The following SMC1B variants were observed in gnomAD, a reference collection of about 807,000 sequenced individuals.
The protein encoded by SMC1B is structural maintenance of chromosomes 1B, also known as structural maintenance of chromosomes protein 1B.
Under a neutral mutation model 157.9 loss-of-function variants are expected in SMC1B, and 60 were observed. That is an observed-to-expected ratio of 0.38 (90% CI 0.31 to 0.47). The LOEUF (loss-of-function observed/expected upper bound fraction) is 0.47, where lower values mean the gene tolerates loss of function less well. SMC1B is among the 20% of genes least tolerant of loss of function. The probability of loss-of-function intolerance (pLI) is 0.99; values close to 1 mark genes in which losing one functional copy is unlikely to be tolerated. For missense variants in SMC1B, 1,165 were observed against 1,426.2 expected (o/e 0.82, Z 2.95); for synonymous variants, 445 against 483.0 (o/e 0.92, Z 1.03).
chr22:45,388,420 G>T (rs997528684), intron 10 of SMC1B, among the ~76,000 whole-genome samples: 2 of 151,994 alleles, frequency 1.3e-5, no homozygotes, highest in Non-Finnish European at 2.9e-5. Flanking sequence ...GTTTGTCTTG[G>T]AAAAAACCTC....
chr22:45,394,096 G>C (rs1286728431), intron 8 of SMC1B, among the ~76,000 whole-genome samples: 1 of 152,020 alleles, frequency 6.6e-6, no homozygotes, highest in Non-Finnish European at 1.5e-5. Flanking sequence ...TTGAGTGGGT[G>C]GCTGGCTTGA....
Position 45,359,861 on chromosome 22 carries a change from G to C in SMC1B, c.2806C>G (p.Gln936Glu). ...GACAAAAGGATTATCTCAATGTCTT[G>C]CACTTTGCAATCAAGCAGCAAGTTA... Reference protein sequence around the residue: ...KHNLLLDCKVQDIEIILLSGS... With the variant: ...KHNLLLDCKVEDIEIILLSGS... Residue 936 changes from glutamine (Q) to glutamate (E), a missense_variant, in exon 18 of 25, where the codon CAA becomes GAA. Transcript: ENST00000357450. 2 of 1,614,062 alleles carry C rather than the reference G, an allele frequency of 1.2e-6. No homozygotes were observed. Among genetic ancestry groups the C allele is most frequent in the Non-Finnish European group, 1.7e-6 (2 of 1,179,964 alleles).
chr22:45,405,996 T>C (rs917048661), intron 4 of SMC1B, among the ~76,000 whole-genome samples: 11 of 152,226 alleles, frequency 7.2e-5, no homozygotes, highest in Admixed American at 7.2e-4. Context: ...TTATCTTTCA[T>C]AAAAATGCTA....
At chr22:45,354,538 G>A (rs996093937) in intron 20 of SMC1B, among the ~76,000 whole-genome samples, 9 of 152,100 alleles carry the variant, frequency 5.9e-5, no homozygotes, top group East Asian at 3.9e-4. Flanking sequence ...CTACAGGTGT[G>A]TGCCACCACA....
chr22:45,385,071 G>C (rs136587), intron 11 of SMC1B, among the ~76,000 whole-genome samples: 94,482 of 151,908 alleles, frequency 0.62, 31,863 homozygotes, highest in African/African-American at 0.89. Context: ...CAGTCTATAG[G>C]AGAAGAAAAT....
chr22:45,394,592 C>T (rs1258550163), intron 8 of SMC1B, 93 bp downstream of exon 8: 14 of 1,299,824 alleles, frequency 1.1e-5, no homozygotes, highest in African/African-American at 3.1e-5. Flanking sequence ...GCCATGACTG[C>T]GCCACTGCAC....
rs900696385 is a variant in SMC1B, at chr22:45,396,466, A to G, written c.1134T>C (p.Leu378=). 5 of 1,612,764 alleles carry G rather than the reference A, an allele frequency of 3.1e-6. No homozygotes were observed. Among genetic ancestry groups the G allele is most frequent in the Non-Finnish European group, 4.2e-6 (5 of 1,179,562 alleles). Reference sequence around the variant, plus strand: ...CTACTTTCTTTCTTACTTGTTCCTTAAGTTCTTTATAACGATCCAGCTGCA... The same window carrying G: ...CTACTTTCTTTCTTACTTGTTCCTTGAGTTCTTTATAACGATCCAGCTGCA... ...EASQLDRYKE[L]KEQVRKKVAT... Residue 378 remains leucine (L), a synonymous_variant, in exon 7 of 25, where the codon CTT becomes CTC. Transcript: ENST00000357450.
At chr22:45,396,130 C>G (rs2087120936) in intron 7 of SMC1B, among the ~76,000 whole-genome samples, 1 of 152,100 alleles carries the variant, frequency 6.6e-6, no homozygotes, top group Non-Finnish European at 1.5e-5. Flanking sequence ...ATGTTACCAC[C>G]TTTGTTTTTC....
chr22:45,349,643 A>AT lies in SMC1B; in HGVS notation c.3495+84dup, dbSNP rs1390046580. On this transcript the variant is annotated intron_variant, in intron 23 of 24. Transcript: ENST00000357450. ...GCCACCGTGCCTAGACCAAGGACTG[A>AT]TTTTTAATGAGCATTTTCCATTGCT... 6 of 1,308,592 alleles carry AT rather than the reference A, an allele frequency of 4.6e-6. No homozygotes were observed. In the African/African-American group the frequency reaches 8.8e-5, roughly 19 times the overall value. The allele number at this position is 1,308,592 out of a possible 1,614,324, so 81.1% of individuals were successfully genotyped here.
At chr22:45,369,053 A>G (rs2086803454) in intron 15 of SMC1B, among the ~76,000 whole-genome samples, 1 of 151,618 alleles carries the variant, frequency 6.6e-6, no homozygotes, top group Non-Finnish European at 1.5e-5. Flanking sequence ...ACCACTTACT[A>G]TCTACATATA....
In SMC1B at chr22:45,373,831, C is replaced by T. The variant is rs549625235; in HGVS notation, c.2059-1539G>A. 2.4e-3 allele frequency among the ~76,000 whole-genome samples: 367 copies of T among 152,014 alleles called. 4 individuals are homozygous for T. The highest frequency in any genetic ancestry group is 1.8e-3 in the Non-Finnish European group (125 of 67,992). On this transcript the variant is annotated intron_variant, in intron 12 of 24. Transcript: ENST00000357450. ...TAGGTAAATGATTAAAATAATTAGG[C>T]AAATGTGATGGGATAAATACTTGTA...
At chr22:45,397,283 G>A (rs1401221023) in intron 6 of SMC1B, among the ~76,000 whole-genome samples, 2 of 152,134 alleles carry the variant, frequency 1.3e-5, no homozygotes, top group African/African-American at 2.4e-5. Flanking sequence ...TTGGGAAGCC[G>A]AGGCAAGAGG....
In SMC1B at chr22:45,387,174, C is replaced by A. The variant is rs1343842447; in HGVS notation, c.1732-128G>T. On this transcript the variant is annotated intron_variant, in intron 10 of 24. Coordinates refer to ENST00000357450, the MANE Select transcript of SMC1B (RefSeq NM_148674.5). ...GATCAACAGTATGTACCCAGCCAGG[C>A]GTGATGCTCACGCCTGTAATCCCAG... is the stretch of plus-strand genomic sequence containing the variant. 8 of 796,166 alleles carry A rather than the reference C, an allele frequency of 1.0e-5. No individual in the cohort carries two copies. The East Asian group carries it at 1.8e-4, about 18-fold the overall frequency. The allele number at this position is 796,166 out of a possible 1,614,324, so 49.3% of individuals were successfully genotyped here.
chr22:45,372,542 G>C (rs1288879302), intron 12 of SMC1B, among the ~76,000 whole-genome samples: 1 of 151,986 alleles, frequency 6.6e-6, no homozygotes, highest in African/African-American at 2.4e-5. Flanking sequence ...AATGAAGAGG[G>C]GTGTGTATAT....
rs374558623 is a variant in SMC1B at position 45,352,525 on chromosome 22, C to T, written c.3351G>A (p.Arg1117=). Residue 1117 remains arginine, a synonymous_variant, in exon 22 of 25, where the codon CGG becomes CGA. Coordinates refer to ENST00000357450, the MANE Select transcript of SMC1B (RefSeq NM_148674.5). ...CTGACAAATTGTCCATTGGCATAAA[C>T]CGTTTGCCTGGGGCCACACAGTTAT... ...ISYNCVAPGK[R]FMPMDNLSGG... is the part of the protein sequence containing the mutation. 3 of 1,614,024 alleles carry T rather than the reference C, an allele frequency of 1.9e-6. No individual in the cohort carries two copies. The highest frequency in any genetic ancestry group is 2.5e-6 in the Non-Finnish European group (3 of 1,180,014).
Position 45,393,631 on chromosome 22 carries a change from TACC to T in SMC1B, c.1545_1545+2del. On this transcript the variant is annotated splice_donor_variant and coding_sequence_variant, in exon 9 of 25. Coordinates refer to ENST00000357450, the MANE Select transcript of SMC1B (RefSeq NM_148674.5). LOFTEE classifies it high-confidence loss of function. The stretch of plus-strand genomic sequence containing the variant: ...GTTTAAATTAACTATTCATTCTCAT[TACC>T]ACAGAATCTGGGTACAGTCTTTTAA... 1.9e-6 allele frequency: 3 copies of T among 1,602,578 alleles called. No individual in the cohort carries two copies. The highest frequency in any genetic ancestry group is 2.6e-6 in the Non-Finnish European group (3 of 1,176,136).
In SMC1B at chr22:45,399,267, A is replaced by G. The variant is rs1488058297; in HGVS notation, c.941T>C (p.Val314Ala). 2 of 1,613,920 alleles carry G rather than the reference A, an allele frequency of 1.2e-6. No individual in the cohort carries two copies. The highest frequency in any genetic ancestry group is 3.3e-5 in the Admixed American group (2 of 59,998). ...NTSHHLKKLDVAKKSIKDSEK... is the reference protein window; with the variant it reads ...NTSHHLKKLDAAKKSIKDSEK... The stretch of plus-strand genomic sequence containing the variant: ...GCTGTCCTTTATTGATTTCTTAGCC[A>G]CATCTAATTTCTTAAGGTGGTGAGA... Residue 314 changes from valine (V) to alanine (A), a missense_variant, in exon 6 of 25, where the codon GTG becomes GCG. Transcript: ENST00000357450.
intron 19 of SMC1B, among the ~76,000 whole-genome samples, chr22:45,358,376 G>C (rs1387414249): frequency 1.3e-5 from 2 of 152,180 alleles, no homozygotes; most frequent in Non-Finnish European, 2.9e-5. Context: ...GGTATCTGAA[G>C]AGTGGCCAGT....
chr22:45,413,280 G>T (rs2087374217), intron 1 of SMC1B, among the ~76,000 whole-genome samples, 179 bp downstream of exon 1: 6 of 152,194 alleles, frequency 3.9e-5, no homozygotes, highest in Admixed American at 3.9e-4. Flanking sequence ...CTGAGGTGGG[G>T]TGATGGGCAG....
Sources: allele counts gnomAD v4.1 joint callset (sites outside exome capture counted in the v4.1 genomes callset), GRCh38; gene constraint gnomAD v4.1.1; transcripts MANE v1.5; gene names NCBI Gene and HGNC (gene_info 2026-07-23, HGNC 2026-07-21).